CACNA1H: variants seen among roughly 807,000 people sequenced by gnomAD.
CACNA1H encodes the protein voltage-dependent T-type calcium channel subunit alpha-1H.
Under a neutral mutation model 192.5 loss-of-function variants are expected in CACNA1H, and 149 were observed. The observed-to-expected ratio is 0.77, with a 90% confidence interval of 0.68 to 0.89. The LOEUF is 0.89. CACNA1H is among the 40% of genes least tolerant of loss of function. CACNA1H has a pLI of 0.00. For missense variants in CACNA1H, 4,257 were observed against 3,423.5 expected (o/e 1.24, Z -6.08); for synonymous variants, 2,202 against 1,475.2 (o/e 1.49, Z -11.29).
rs1305603382 is a variant in CACNA1H, at chr16:1,153,324, G to C, written c.-165G>C. On this transcript the variant is annotated 5_prime_UTR_variant, in exon 1 of 35. Coordinates refer to ENST00000348261, the MANE Select transcript of CACNA1H (RefSeq NM_021098.3). ...GGAGCCGGGCGGGCTGGGGACGCGG[G>C]CCGGGGGCGGAGGCGCTGGGGGCCG... 2.0e-5 allele frequency: 2 copies of C among 101,316 alleles called. No homozygotes were observed. Among genetic ancestry groups the C allele is most frequent in the African/African-American group, 6.4e-5 (2 of 31,310 alleles). The allele number at this position is 101,316 out of a possible 1,614,324, so 6.3% of individuals were successfully genotyped here.
Position 1,194,966 on chromosome 16 carries a change from C to T in CACNA1H, c.300-6C>T, listed in dbSNP as rs755354027. 104 of 1,604,566 alleles carry T rather than the reference C, an allele frequency of 6.5e-5. No homozygotes were observed. Among genetic ancestry groups the T allele is most frequent in the Non-Finnish European group, 8.6e-5 (101 of 1,172,848 alleles). On this transcript the variant is annotated splice_region_variant and splice_polypyrimidine_tract_variant and intron_variant, in intron 2 of 34. Transcript: ENST00000348261. ...CGCCGGTGTGCTCCTTAACCCGCGG[C>T]GACACATGGTTCGAGCACGTGAGCA...
At chr16:1,169,723 C>A (rs116625512) in intron 2 of CACNA1H, among the ~76,000 whole-genome samples, 7,082 of 152,334 alleles carry the variant, frequency 0.046, 461 homozygotes, top group African/African-American at 0.15. Context: ...GCTGTGGGAG[C>A]TTCAGGCCAG....
At chr16:1,155,552 T>TA (rs1473923924) in intron 2 of CACNA1H, among the ~76,000 whole-genome samples, 1 of 152,176 alleles carries the variant, frequency 6.6e-6, no homozygotes, top group Admixed American at 6.5e-5. Flanking sequence ...AGGCCTGCGT[T>TA]CCTTGTTTCC....
chr16:1,186,429 G>A (rs1348928976), intron 2 of CACNA1H, among the ~76,000 whole-genome samples: 1 of 152,088 alleles, frequency 6.6e-6, no homozygotes, highest in East Asian at 1.9e-4. Flanking sequence ...CGTGCAGAAA[G>A]CCGGACGATG....
In CACNA1H at chr16:1,202,167, C is replaced by G. The variant is rs1391744265; in HGVS notation, c.1717C>G (p.His573Asp). 1 of 1,552,020 alleles carries G rather than the reference C, an allele frequency of 6.4e-7. No homozygotes were observed. The highest frequency in any genetic ancestry group is 1.2e-5 in the South Asian group (1 of 84,236). Residue 573 changes from histidine (H) to aspartate (D), a missense_variant, in exon 9 of 35, where the codon CAC becomes GAC. Transcript: ENST00000348261. The part of the protein sequence containing the change: ...GRGPPDAESV[H>D]SIYHADCHIE... ...CGGACCCCCCGACGCAGAGTCTGTG[C>G]ACAGCATCTACCATGCCGACTGCCA...
chr16:1,221,500 C>A lies in CACNA1H; in HGVS notation c.*506C>A. The A allele has an allele frequency of 2.6e-6, 1 of 391,432 alleles. No individual in the cohort carries two copies. The highest frequency in any genetic ancestry group is 3.8e-5 in the South Asian group (1 of 26,366). The allele number at this position is 391,432 out of a possible 1,614,324, so 24.2% of individuals were successfully genotyped here. A position where few individuals can be genotyped will look rare whatever the true frequency, so the allele number is the denominator to read the frequency against. ...CCTTCCAGCCACCACCCTTTCCGTT[C>A]CGCTCGGGCCTTCCCAGAAGCGTCC... On this transcript the variant is annotated 3_prime_UTR_variant, in exon 35 of 35. Coordinates refer to ENST00000348261, the MANE Select transcript of CACNA1H (RefSeq NM_021098.3).
chr16:1,185,623 TAC>T lies in CACNA1H; in HGVS notation c.300-9348_300-9347del, dbSNP rs1567475537. 2.7e-4 allele frequency among the ~76,000 whole-genome samples: 35 copies of T among 128,218 alleles called. 1 individual carries two copies. Among genetic ancestry groups the T allele is most frequent in the African/African-American group, 7.0e-4 (19 of 27,290 alleles). 84.1% of individuals were successfully genotyped at this position (128,218 alleles called of 152,430 possible). On this transcript the variant is annotated intron_variant, in intron 2 of 34. Transcript: ENST00000348261. ...GCGTGCGTAGGGGCCGGAGGCGGGG[TAC>T]GTGGGGGGCGGGCGAGTAGACGGTC...
intron 22 of CACNA1H, 68 bp downstream of exon 22, chr16:1,211,362 C>T: frequency 1.2e-6 from 2 of 1,607,650 alleles, no homozygotes; most frequent in African/African-American, 2.7e-5. Context: ...CAGCGTGGCT[C>T]CCAGCAGCGC....
chr16:1,209,836 C>T (rs1279647796), intron 17 of CACNA1H, among the ~76,000 whole-genome samples, 199 bp from the exon 18 acceptor site: 3 of 152,218 alleles, frequency 2.0e-5, no homozygotes, highest in Non-Finnish European at 4.4e-5. Context: ...CTGCCGTCAC[C>T]AGCGTAGGGA....
rs1440510460 is a variant in CACNA1H, at chr16:1,200,235, C to T, written c.804-21C>T. 6.4e-6 allele frequency: 10 copies of T among 1,573,686 alleles called. No homozygotes were observed. The East Asian group carries it at 6.9e-5, about 11-fold the overall frequency. On this transcript the variant is annotated intron_variant, in intron 6 of 34. Coordinates refer to ENST00000348261, the MANE Select transcript of CACNA1H (RefSeq NM_021098.3). Reference sequence around the variant, plus strand: ...CCTGACCCTGATTGTACCTTTTGGCCCTGGCTGTGCCCATCCCCAGGAACA... The same window carrying T: ...CCTGACCCTGATTGTACCTTTTGGCTCTGGCTGTGCCCATCCCCAGGAACA...
Position 1,212,008 on chromosome 16 carries a change from C to T in CACNA1H, c.4629C>T (p.Ser1543=), listed in dbSNP as rs939977138. 6 of 1,613,568 alleles carry T rather than the reference C, an allele frequency of 3.7e-6. No homozygotes were observed. The South Asian group carries it at 5.5e-5, about 15-fold the overall frequency. The part of the protein sequence containing the change: ...LYFISFLLIV[S]FFVLNMFVGV... ...TCATCTCCTTCCTGCTCATCGTCAG[C>T]TTCTTCGTGCTCAACATGTTCGTGG... Residue 1543 remains serine, a synonymous_variant, in exon 25 of 35, where the codon AGC becomes AGT. Coordinates refer to ENST00000348261, the MANE Select transcript of CACNA1H (RefSeq NM_021098.3).
intron 2 of CACNA1H, among the ~76,000 whole-genome samples, chr16:1,176,359 G>A (rs1186137598): frequency 1.3e-5 from 2 of 152,258 alleles, no homozygotes; most frequent in African/African-American, 4.8e-5. Flanking sequence ...CCAGCTGTGA[G>A]GACAGCCAGG....
intron 2 of CACNA1H, among the ~76,000 whole-genome samples, chr16:1,156,165 A>G (rs1441840755): frequency 1.3e-5 from 2 of 152,128 alleles, no homozygotes; most frequent in Non-Finnish European, 2.9e-5. Context: ...CCTCGCCGCC[A>G]GCACCTCTGG....
chr16:1,206,887 C>T (rs1356815192), intron 12 of CACNA1H, 114 bp from the exon 13 acceptor site: 13 of 611,484 alleles, frequency 2.1e-5, no homozygotes, highest in South Asian at 9.2e-5. Context: ...AGAGCCAAGA[C>T]GGGCAGAGCC....
Position 1,167,670 on chromosome 16 carries a change from G to C in CACNA1H, c.299+13634G>C, listed in dbSNP as rs1422895800. Among the ~76,000 whole-genome samples, 2 of 152,192 alleles carry C rather than the reference G, an allele frequency of 1.3e-5. No homozygotes were observed. The highest frequency in any genetic ancestry group is 2.4e-5 in the African/African-American group (1 of 41,450). On this transcript the variant is annotated intron_variant, in intron 2 of 34. Coordinates refer to ENST00000348261, the MANE Select transcript of CACNA1H (RefSeq NM_021098.3). This position sits in a 1 kb window ranked among gnomAD's most constrained non-coding sequence, Gnocchi z 4.2. ...ACCGGCCCGGCCTGTGTTACATAAA[G>C]CGGTTTGGCCCATGCAAGCCGGCTC...
At chr16:1,200,678 G>A in intron 7 of CACNA1H, 38 bp from the exon 8 acceptor site, 2 of 1,564,780 alleles carry the variant, frequency 1.3e-6, no homozygotes, top group Non-Finnish European at 1.7e-6. Flanking sequence ...GGAGGAGGAG[G>A]GGTCGTGCGG....
At position 1,220,839 on chromosome 16, in the gene CACNA1H, C is replaced by A; in HGVS notation, c.6907C>A (p.Leu2303Met). 6.2e-7 allele frequency: 1 copy of A among 1,612,846 alleles called. No individual in the cohort carries two copies. Among genetic ancestry groups the A allele is most frequent in the Non-Finnish European group, 8.5e-7 (1 of 1,179,832 alleles). ...RASSSGAIVP[L>M]EPPESEPPMP... Reference sequence around the variant, plus strand: ...TTCCTCTTCAGGGGCCATAGTGCCCCTGGAACCCCCAGAATCAGAGCCTCC... The same window carrying A: ...TTCCTCTTCAGGGGCCATAGTGCCCATGGAACCCCCAGAATCAGAGCCTCC... Residue 2303 changes from leucine (L) to methionine (M), a missense_variant, in exon 35 of 35, where the codon CTG (leucine) becomes ATG (methionine). Transcript: ENST00000348261.
intron 30 of CACNA1H, among the ~76,000 whole-genome samples, chr16:1,215,819 G>C (rs371918190): frequency 6.6e-6 from 1 of 152,154 alleles, no homozygotes; most frequent in Non-Finnish European, 1.5e-5. Context: ...TCATAACCGG[G>C]GCCCCCTCCC....
intron 33 of CACNA1H, 62 bp downstream of exon 33, chr16:1,218,713 G>A (rs1174799153): frequency 5.0e-6 from 7 of 1,402,970 alleles, no homozygotes; most frequent in East Asian, 2.5e-5. Flanking sequence ...GAAGATGGGG[G>A]CAGGTGGGAG....
Sources: gnomAD v4.1 joint callset for allele counts (sites outside exome capture counted in the v4.1 genomes callset) on GRCh38, gnomAD v4.1.1 for gene constraint, Gnocchi (gnomAD v3.1) non-coding constraint, MANE v1.5 for transcripts, NCBI Gene and HGNC (gene_info 2026-07-23, HGNC 2026-07-21) for gene names.